TBC1D5: variants seen among roughly 807,000 people sequenced by gnomAD.
TBC1D5 encodes the protein TBC1 domain family, member 5.
TBC1D5 carries 75 observed loss-of-function variants against 100.3 expected under a neutral mutation model. The ratio of observed to expected loss-of-function variants is 0.75; its 90% confidence interval spans 0.62 to 0.91. The LOEUF is 0.91. Among genes scored for constraint, TBC1D5 ranks in the 40% least tolerant of loss-of-function variants. The pLI, the probability that TBC1D5 is intolerant of heterozygous loss-of-function variation, is 0.00. For synonymous variants in TBC1D5, 323 were observed against 325.6 expected (o/e 0.99, Z 0.09); for missense variants, 910 against 942.4 (o/e 0.97, Z 0.45).
chr3:17,449,388 G>A (rs2094873528), intron 3 of TBC1D5, among the ~76,000 whole-genome samples: 1 of 152,108 alleles, frequency 6.6e-6, no homozygotes, highest in South Asian at 2.1e-4. Flanking sequence ...AGAGAGAATT[G>A]TTCACTCCCG....
Position 17,167,756 on chromosome 3 carries a change from A to C in TBC1D5, c.1925T>G (p.Leu642Ter), listed in dbSNP as rs1313557486. ...TCAGAGCAATGCACATACCTGTTTTAATCCTGCCAGGGAAACCAGAATTTG... is the reference window on the plus strand; with the variant it reads ...TCAGAGCAATGCACATACCTGTTTTCATCCTGCCAGGGAAACCAGAATTTG... Residue 642 changes from leucine (L) to a stop codon, truncating the protein, a stop_gained, in exon 20 of 22, where the codon TTA becomes TGA. Transcript: ENST00000253692. LOFTEE classifies it high-confidence loss of function. 2 of 1,613,780 alleles carry C rather than the reference A, an allele frequency of 1.2e-6. No individual in the cohort carries two copies. Among genetic ancestry groups the C allele is most frequent in the Admixed American group, 3.3e-5 (2 of 59,986 alleles).
intron 14 of TBC1D5, among the ~76,000 whole-genome samples, chr3:17,299,822 G>A (rs1238702619): frequency 1.6e-5 from 2 of 127,710 alleles, no homozygotes; most frequent in Non-Finnish European, 3.1e-5. Context: ...TTGTGCCACT[G>A]CACTCCAGCC....
chr3:17,670,998 T>G (rs2067871800), intron 1 of TBC1D5, among the ~76,000 whole-genome samples: 1 of 152,224 alleles, frequency 6.6e-6, no homozygotes, highest in Non-Finnish European at 1.5e-5. Flanking sequence ...CAACCAGCAC[T>G]ACCACAAATG....
rs531585471 is a variant in TBC1D5, at chr3:17,544,686, A to G, written c.-35-36081T>C. On this transcript the variant is annotated intron_variant, in intron 2 of 21. Transcript: ENST00000253692. ...AAAAAAAGCACCTTAAGAACTCTGC[A>G]TGTCTGCATGGTGGATGTGGAAGAT... 9.2e-5 allele frequency among the ~76,000 whole-genome samples: 14 copies of G among 151,518 alleles called. No individual in the cohort carries two copies. The East Asian group carries it at 2.7e-3, about 29-fold the overall frequency.
At position 17,342,724 on chromosome 3, in the gene TBC1D5, T is replaced by G. The variant is rs564095350; in HGVS notation, c.995+29351A>C. Among the ~76,000 whole-genome samples, 408 of 152,282 alleles carry G rather than the reference T, an allele frequency of 2.7e-3. 1 individual carries two copies. The highest frequency in any genetic ancestry group is 4.5e-3 in the Non-Finnish European group (307 of 68,020). On this transcript the variant is annotated intron_variant, in intron 13 of 21. Coordinates refer to ENST00000253692, the Ensembl canonical transcript of TBC1D5. ...CCCAGAAATTATTTTGGATTATGCT[T>G]TTCCAATTTTATTTTTATGCACATA...
intron 1 of TBC1D5, among the ~76,000 whole-genome samples, chr3:17,675,628 C>T (rs955383079): frequency 6.6e-6 from 1 of 152,034 alleles, no homozygotes; most frequent in African/African-American, 2.4e-5. Flanking sequence ...ATTATATTTC[C>T]TACCTTTAAA....
chr3:17,487,383 A>G (rs2095582747), intron 3 of TBC1D5, among the ~76,000 whole-genome samples: 1 of 152,218 alleles, frequency 6.6e-6, no homozygotes, highest in South Asian at 2.1e-4. Context: ...AACATAAACA[A>G]TATTTCCAAT....
At position 17,455,222 on chromosome 3, in the gene TBC1D5, AT is replaced by A. The variant is rs1321712017; in HGVS notation, c.98-26704del. 1.4e-4 allele frequency among the ~76,000 whole-genome samples: 20 copies of A among 144,792 alleles called. 1 individual carries two copies. Among genetic ancestry groups the A allele is most frequent in the African/African-American group, 3.9e-4 (15 of 38,620 alleles). The allele number at this position is 144,792 out of a possible 152,430, so 95.0% of individuals were successfully genotyped here. A position where few individuals can be genotyped will look rare whatever the true frequency, so the allele number is the denominator to read the frequency against. On this transcript the variant is annotated intron_variant, in intron 3 of 21. Transcript: ENST00000253692. ...TATATGTATATATGTATACATATATATTATATATTGTATACATATATTATTG... is the reference window on the plus strand; with the variant it reads ...TATATGTATATATGTATACATATATATATATATTGTATACATATATTATTG...
At chr3:17,706,244 A>G (rs2074148380) in intron 1 of TBC1D5, 4 of 1,548,876 alleles carry the variant, frequency 2.6e-6, no homozygotes, top group East Asian at 2.4e-5. Context: ...CACCACATTG[A>G]TATTTGTACT....
intron 15 of TBC1D5, among the ~76,000 whole-genome samples, chr3:17,275,449 A>G (rs745525018): frequency 1.3e-5 from 2 of 152,032 alleles, no homozygotes; most frequent in Non-Finnish European, 2.9e-5. Context: ...GGTTATGGGG[A>G]GGACCACTTG....
chr3:17,311,687 G>A (rs1359169474), intron 13 of TBC1D5, among the ~76,000 whole-genome samples: 1 of 151,944 alleles, frequency 6.6e-6, no homozygotes, highest in African/African-American at 2.4e-5. Flanking sequence ...TAAATCCTAG[G>A]TCTTCATTTC....
chr3:17,224,343 G>A (rs1396359561), intron 17 of TBC1D5, among the ~76,000 whole-genome samples: 4 of 152,134 alleles, frequency 2.6e-5, no homozygotes, highest in African/African-American at 9.7e-5. Context: ...AATATAATGT[G>A]AGCCACACAT....
intron 1 of TBC1D5, among the ~76,000 whole-genome samples, chr3:17,655,485 A>G (rs913433188): frequency 2.6e-5 from 4 of 152,040 alleles, no homozygotes; most frequent in Admixed American, 6.5e-5. Context: ...AATTAAATTA[A>G]AAAATGAAAC....
At position 17,666,419 on chromosome 3, in the gene TBC1D5, A is replaced by G. The variant is rs574530893; in HGVS notation, c.-100-42506T>C. 3.4e-4 allele frequency among the ~76,000 whole-genome samples: 52 copies of G among 152,290 alleles called. 2 individuals are homozygous for G. The South Asian group carries it at 9.5e-3, about 28-fold the overall frequency. The stretch of plus-strand genomic sequence containing the variant: ...TAGCATTCTGAATTACCTTTTATCT[A>G]TAAAGTAACATACTAGAATCACCAT... On this transcript the variant is annotated intron_variant, in intron 1 of 21. Coordinates refer to ENST00000253692, the Ensembl canonical transcript of TBC1D5.
At chr3:17,409,336 T>TA (rs2093859324) in intron 4 of TBC1D5, among the ~76,000 whole-genome samples, 1 of 152,170 alleles carries the variant, frequency 6.6e-6, no homozygotes, top group African/African-American at 2.4e-5. Context: ...ACAGTGAACT[T>TA]ACTGATAAAT....
intron 3 of TBC1D5, among the ~76,000 whole-genome samples, chr3:17,455,216 ATATATAT>A (rs2095032494): frequency 7.2e-6 from 1 of 138,284 alleles, no homozygotes; most frequent in African/African-American, 3.0e-5. Flanking sequence ...ATATGTATAC[ATATATAT>A]TATATATTGT....
At chr3:17,481,339 C>A (rs570579494) in intron 3 of TBC1D5, among the ~76,000 whole-genome samples, 3 of 152,290 alleles carry the variant, frequency 2.0e-5, no homozygotes, top group Admixed American at 6.5e-5. Context: ...GTGAGTAGCA[C>A]GAGCCAAGCA....
intron 1 of TBC1D5, among the ~76,000 whole-genome samples, chr3:17,642,567 G>A (rs183775497): frequency 1.5e-3 from 233 of 151,968 alleles, no homozygotes; most frequent in African/African-American, 4.4e-3. Flanking sequence ...CCACATACTC[G>A]TCAACTAACT....
chr3:17,265,978 T>C (rs1037858814), intron 15 of TBC1D5, among the ~76,000 whole-genome samples: 5 of 152,172 alleles, frequency 3.3e-5, no homozygotes, highest in Admixed American at 6.5e-5. Flanking sequence ...GATTAAGTAT[T>C]GTTGCCTTTA....
Sources: allele counts gnomAD v4.1 joint callset (sites outside exome capture counted in the v4.1 genomes callset), GRCh38; gene constraint gnomAD v4.1.1; transcripts MANE v1.5; gene names NCBI Gene and HGNC (gene_info 2026-07-23, HGNC 2026-07-21).